The following DTD1 variants were observed in gnomAD, a reference collection of about 807,000 sequenced individuals.
DTD1 encodes the protein D-tyrosyl-tRNA deacylase 1 homolog.
DTD1 carries 13 observed loss-of-function variants against 25.6 expected under a neutral mutation model. The observed-to-expected ratio is 0.51, with a 90% CI of 0.33 to 0.81. The LOEUF (loss-of-function observed/expected upper bound fraction) is 0.81. Among genes scored for constraint, DTD1 ranks in the 30% least tolerant of loss-of-function variants. DTD1 has a pLI of 0.02. For synonymous variants in DTD1, 110 were observed against 103.6 expected (o/e 1.06, Z -0.37); for missense variants, 193 against 266.4 (o/e 0.72, Z 1.92).
At chr20:18,678,401 G>C (rs942932137) in intron 4 of DTD1, among the ~76,000 whole-genome samples, 1 of 152,186 alleles carries the variant, frequency 6.6e-6, no homozygotes, top group Non-Finnish European at 1.5e-5. Context: ...ATATGAGCTT[G>C]CATCTTTCTA....
chr20:18,677,684 G>C (rs57685749), intron 4 of DTD1, among the ~76,000 whole-genome samples: 54,986 of 151,966 alleles, frequency 0.36, 10,265 homozygotes, highest in Non-Finnish European at 0.41. Flanking sequence ...CCCCACACCT[G>C]AAAGGAGAAC....
intron 4 of DTD1, among the ~76,000 whole-genome samples, chr20:18,729,670 T>A (rs2061233761): frequency 6.6e-6 from 1 of 152,254 alleles, no homozygotes; most frequent in Admixed American, 6.5e-5. Flanking sequence ...AAATTTATTA[T>A]GTAATATTTG....
intron 5 of DTD1, among the ~76,000 whole-genome samples, chr20:18,755,705 A>G (rs189922322): frequency 0.014 from 2,203 of 152,268 alleles, 30 homozygotes; most frequent in South Asian, 0.036. Flanking sequence ...AGTCTTTACT[A>G]TTGTGAATAG....
intron 4 of DTD1, among the ~76,000 whole-genome samples, chr20:18,662,359 G>A (rs898165402): frequency 6.6e-6 from 1 of 152,098 alleles, no homozygotes; most frequent in Non-Finnish European, 1.5e-5. Context: ...GACCTCAAGC[G>A]ATCTGCCTGC....
intron 4 of DTD1, among the ~76,000 whole-genome samples, chr20:18,672,281 A>G (rs1186586276): frequency 6.6e-6 from 1 of 152,174 alleles, no homozygotes; most frequent in Non-Finnish European, 1.5e-5. Context: ...AAGACAAAGA[A>G]AATTAAAAAA....
intron 4 of DTD1, among the ~76,000 whole-genome samples, chr20:18,713,349 C>T (rs530482108): frequency 1.3e-5 from 2 of 152,328 alleles, no homozygotes; most frequent in East Asian, 3.9e-4. Context: ...CAGAAATGTC[C>T]TCTTGTTAAA....
chr20:18,631,901 G>A, intron 4 of DTD1: 1 of 984,676 alleles, frequency 1.0e-6, no homozygotes, highest in Non-Finnish European at 1.2e-6. Context: ...CTTTCAACCA[G>A]TACCCTCTTC....
intron 4 of DTD1, among the ~76,000 whole-genome samples, chr20:18,646,070 C>T (rs1048178828): frequency 6.6e-6 from 1 of 152,210 alleles, no homozygotes; most frequent in African/African-American, 2.4e-5. Context: ...GTCTACCTCA[C>T]ATTTGTGTCC....
At chr20:18,756,364 G>T (rs1450294494) in intron 5 of DTD1, among the ~76,000 whole-genome samples, 1 of 152,170 alleles carries the variant, frequency 6.6e-6, no homozygotes, top group Non-Finnish European at 1.5e-5. Flanking sequence ...GTCCTGAATT[G>T]TATTGCCTAG....
intron 3 of DTD1, among the ~76,000 whole-genome samples, chr20:18,621,046 C>A (rs779620792): frequency 2.0e-5 from 3 of 152,092 alleles, no homozygotes; most frequent in Non-Finnish European, 4.4e-5. Flanking sequence ...AACTACAGAC[C>A]TTATTTGAAT....
At chr20:18,596,891 A>G (rs1206033780) in intron 3 of DTD1, among the ~76,000 whole-genome samples, 1 of 152,116 alleles carries the variant, frequency 6.6e-6, no homozygotes, top group South Asian at 2.1e-4. Context: ...ATTTGTTACA[A>G]CTGATGAACC....
chr20:18,738,464 G>C (rs753259529), intron 4 of DTD1, among the ~76,000 whole-genome samples: 2 of 152,346 alleles, frequency 1.3e-5, no homozygotes, highest in South Asian at 4.1e-4. Flanking sequence ...GGTTCAGCTG[G>C]CTCAACTCTG....
At chr20:18,724,206 G>A (rs1043465209) in intron 4 of DTD1, among the ~76,000 whole-genome samples, 8 of 152,326 alleles carry the variant, frequency 5.3e-5, no homozygotes, top group Middle Eastern at 3.4e-3. Flanking sequence ...ACTGGAGCCC[G>A]TAGGAAGGAC....
At chr20:18,733,806 A>T (rs902970509) in intron 4 of DTD1, among the ~76,000 whole-genome samples, 1 of 152,230 alleles carries the variant, frequency 6.6e-6, no homozygotes, top group Non-Finnish European at 1.5e-5. Flanking sequence ...AAGCAGAGTT[A>T]ATAATGTATG....
intron 5 of DTD1, among the ~76,000 whole-genome samples, chr20:18,745,285 A>G (rs2061295632): frequency 1.3e-5 from 2 of 152,282 alleles, no homozygotes; most frequent in Admixed American, 1.3e-4. Flanking sequence ...CTGCCTGAAC[A>G]TCAGAGGCCT....
intron 4 of DTD1, among the ~76,000 whole-genome samples, chr20:18,693,738 A>T (rs1325045639): frequency 6.6e-6 from 1 of 151,948 alleles, no homozygotes; most frequent in Non-Finnish European, 1.5e-5. Flanking sequence ...TTGCTCCTTA[A>T]CCAAGCACCT....
At chr20:18,685,937 G>T (rs747396213) in intron 4 of DTD1, among the ~76,000 whole-genome samples, 1 of 152,166 alleles carries the variant, frequency 6.6e-6, no homozygotes, top group Non-Finnish European at 1.5e-5. Flanking sequence ...TGTGTGCTGC[G>T]CCAACTTCAG....
intron 4 of DTD1, among the ~76,000 whole-genome samples, chr20:18,653,438 A>G (rs2060881093): frequency 6.6e-6 from 1 of 152,198 alleles, no homozygotes. Context: ...TTGAACTCAA[A>G]TATTAGTCTA....
intron 4 of DTD1, among the ~76,000 whole-genome samples, chr20:18,716,292 A>C (rs138944080): frequency 6.6e-6 from 1 of 152,328 alleles, no homozygotes; most frequent in African/African-American, 2.4e-5. Context: ...AAGGGGAAAT[A>C]ATGTTTTAAG....
Sources: gnomAD v4.1 joint callset for allele counts (sites outside exome capture counted in the v4.1 genomes callset) on GRCh38, gnomAD v4.1.1 for gene constraint, MANE v1.5 for transcripts, NCBI Gene and HGNC (gene_info 2026-07-23, HGNC 2026-07-21) for gene names.